PTPRD: variants seen among roughly 807,000 people sequenced by gnomAD.
PTPRD encodes the protein receptor-type tyrosine-protein phosphatase delta.
In PTPRD, 34 loss-of-function variants were observed where a neutral mutation model predicts 214.5. The observed-to-expected ratio is 0.16, with a 90% CI of 0.12 to 0.21. The LOEUF is 0.21. PTPRD is among the 10% of genes least tolerant of loss of function. The pLI is 1.00. For missense variants in PTPRD, 2,545 were observed against 2,398.7 expected, an observed-to-expected ratio of 1.06 and a Z score of -1.27; for synonymous variants, 1,128 against 845.7, an observed-to-expected ratio of 1.33 and a Z score of -5.79.
chr9:9,880,751 G>T (rs2068413975), intron 5 of PTPRD, among the ~76,000 whole-genome samples: 1 of 152,086 alleles, frequency 6.6e-6, no homozygotes, highest in Admixed American at 6.6e-5. Flanking sequence ...GCTATTTAGT[G>T]GTGAGACTAT....
chr9:10,362,372 G>C (rs1365563970), intron 2 of PTPRD, among the ~76,000 whole-genome samples: 12 of 148,122 alleles, frequency 8.1e-5, no homozygotes, highest in Non-Finnish European at 1.2e-4. Context: ...AGAGAATTGA[G>C]GAAAAGAGCT....
At chr9:8,586,091 G>T (rs150716933) in intron 14 of PTPRD, among the ~76,000 whole-genome samples, 56 of 152,284 alleles carry the variant, frequency 3.7e-4, no homozygotes, top group African/African-American at 1.3e-3. Context: ...AACAAGGTCA[G>T]GAGATAGAGA....
chr9:8,975,835 T>A (rs1440787683), intron 11 of PTPRD, among the ~76,000 whole-genome samples: 1 of 151,682 alleles, frequency 6.6e-6, no homozygotes, highest in Non-Finnish European at 1.5e-5. Context: ...AAATTGATAT[T>A]AAATGATAAA....
chr9:8,523,632 A>T, intron 18 of PTPRD, 108 bp from the exon 19 acceptor site: 1 of 1,172,952 alleles, frequency 8.5e-7, no homozygotes, highest in Non-Finnish European at 1.2e-6. Context: ...TTCAACTGCT[A>T]CTTGAACATC....
At chr9:9,164,485 C>T (rs1026879263) in intron 10 of PTPRD, among the ~76,000 whole-genome samples, 22 of 152,140 alleles carry the variant, frequency 1.4e-4, no homozygotes, top group African/African-American at 4.6e-4. Flanking sequence ...CTTTTTGACA[C>T]AGAAGCTAAC....
At chr9:9,731,071 GAA>G (rs2098182241) in intron 7 of PTPRD, among the ~76,000 whole-genome samples, 2 of 152,042 alleles carry the variant, frequency 1.3e-5, no homozygotes, top group African/African-American at 4.8e-5. Context: ...TTATTTAAGT[GAA>G]AAAATGCTGC....
intron 6 of PTPRD, among the ~76,000 whole-genome samples, chr9:9,757,286 T>C (rs1014708231): frequency 6.6e-6 from 1 of 152,206 alleles, no homozygotes; most frequent in Admixed American, 6.6e-5. Context: ...GTAGCTCTGC[T>C]ACATGCACAT....
intron 5 of PTPRD, among the ~76,000 whole-genome samples, chr9:9,832,134 C>T (rs1042029667): frequency 6.6e-6 from 1 of 151,956 alleles, no homozygotes; most frequent in African/African-American, 2.4e-5. Context: ...ATAAGTGAGC[C>T]AAGCTGGTGT....
At chr9:10,250,265 A>C (rs2092648547) in intron 3 of PTPRD, among the ~76,000 whole-genome samples, 1 of 152,218 alleles carries the variant, frequency 6.6e-6, no homozygotes, top group Non-Finnish European at 1.5e-5. Context: ...GATTCAGTTT[A>C]GGGTAATGAA....
chr9:10,000,298 C>T (rs976644134), intron 4 of PTPRD, among the ~76,000 whole-genome samples: 35 of 152,112 alleles, frequency 2.3e-4, no homozygotes, highest in African/African-American at 8.0e-4. Context: ...ATAGGACCCC[C>T]ACTAACAGTG....
At chr9:10,039,722 C>CT (rs33973561) in intron 3 of PTPRD, among the ~76,000 whole-genome samples, 37,165 of 151,020 alleles carry the variant, frequency 0.25, 5,240 homozygotes, top group East Asian at 0.5. Context: ...AATTCTAAGA[C>CT]TTTTTTTTAT....
At chr9:9,028,952 T>G (rs1448072057) in intron 10 of PTPRD, among the ~76,000 whole-genome samples, 1 of 151,926 alleles carries the variant, frequency 6.6e-6, no homozygotes. Context: ...TAGAGTATTT[T>G]GTAGAGCTGC....
At chr9:9,423,328 C>T (rs1365482686) in intron 8 of PTPRD, among the ~76,000 whole-genome samples, 1 of 152,118 alleles carries the variant, frequency 6.6e-6, no homozygotes, top group Non-Finnish European at 1.5e-5. Context: ...TTCTCTTTCT[C>T]TCCACTACAC....
chr9:9,002,938 C>T (rs935366074), intron 11 of PTPRD, among the ~76,000 whole-genome samples: 1 of 151,952 alleles, frequency 6.6e-6, no homozygotes, highest in Non-Finnish European at 1.5e-5. Flanking sequence ...TTGCAATAGC[C>T]TGTTGTTAAA....
intron 14 of PTPRD, among the ~76,000 whole-genome samples, chr9:8,633,070 T>C (rs900371824): frequency 6.6e-6 from 1 of 152,052 alleles, no homozygotes; most frequent in African/African-American, 2.4e-5. Context: ...ATCAAAATGG[T>C]ATCTGGCATT....
intron 12 of PTPRD, among the ~76,000 whole-genome samples, chr9:8,662,103 A>T (rs1021260381): frequency 6.6e-6 from 1 of 152,098 alleles, no homozygotes; most frequent in African/African-American, 2.4e-5. Context: ...TGTTTTTCAT[A>T]GAGCTTTTCA....
intron 7 of PTPRD, among the ~76,000 whole-genome samples, chr9:9,587,690 T>TTG (rs1465218871): frequency 1.3e-5 from 2 of 151,952 alleles, no homozygotes; most frequent in African/African-American, 2.4e-5. Context: ...CCAGGTGATG[T>TTG]TGATGCTGCT....
At chr9:9,965,395 A>T (rs2094615411) in intron 4 of PTPRD, among the ~76,000 whole-genome samples, 1 of 152,134 alleles carries the variant, frequency 6.6e-6, no homozygotes, top group African/African-American at 2.4e-5. Context: ...GTATAAAGAC[A>T]TGATAAATAG....
intron 8 of PTPRD, among the ~76,000 whole-genome samples, chr9:9,547,902 A>C (rs778765533): frequency 1.3e-5 from 2 of 151,986 alleles, no homozygotes; most frequent in Non-Finnish European, 2.9e-5. Context: ...AAGAAGCTCA[A>C]GAAAAAAAGG....
Sources: gnomAD v4.1 joint callset for allele counts (sites outside exome capture counted in the v4.1 genomes callset) on GRCh38, gnomAD v4.1.1 for gene constraint, MANE v1.5 for transcripts, NCBI Gene and HGNC (gene_info 2026-07-23, HGNC 2026-07-21) for gene names.